ARHGEF3: variants seen among roughly 807,000 people sequenced by gnomAD.
ARHGEF3 encodes 59.8 kDA protein.
In ARHGEF3, 28 loss-of-function variants were observed where a neutral mutation model predicts 63.2. The observed-to-expected ratio is 0.44, with a 90% CI of 0.33 to 0.61. ARHGEF3 has a LOEUF of 0.61. Ranked by LOEUF, ARHGEF3 falls within the 20% of genes least tolerant of loss-of-function variation. ARHGEF3 has a pLI of 0.03. For missense variants in ARHGEF3, 533 were observed against 659.3 expected (o/e 0.81, Z 2.10); for synonymous variants, 266 against 254.2 (o/e 1.05, Z -0.44).
chr3:57,030,404 C>T (rs1703684681), intron 2 of ARHGEF3, among the ~76,000 whole-genome samples: 1 of 152,214 alleles, frequency 6.6e-6, no homozygotes, highest in South Asian at 2.1e-4. Context: ...GCCTGGAAGA[C>T]TCTGCAGGGA....
chr3:57,033,125 G>A (rs1266309144), intron 2 of ARHGEF3, among the ~76,000 whole-genome samples: 1 of 152,186 alleles, frequency 6.6e-6, no homozygotes, highest in African/African-American at 2.4e-5. Context: ...ATGGCAAGAT[G>A]GTGAGCAAAT....
chr3:56,927,327 C>T (rs191623296), intron 3 of ARHGEF3, among the ~76,000 whole-genome samples: 215 of 152,250 alleles, frequency 1.4e-3, no homozygotes, highest in African/African-American at 4.5e-3. Flanking sequence ...AGCAACATGA[C>T]GGATAATAAG....
chr3:56,793,730 A>G (rs951976279), intron 1 of ARHGEF3, among the ~76,000 whole-genome samples: 1 of 152,214 alleles, frequency 6.6e-6, no homozygotes, highest in Admixed American at 6.5e-5. Flanking sequence ...TTCCTTGTGT[A>G]TGAACTACCT....
intron 1 of ARHGEF3, among the ~76,000 whole-genome samples, chr3:57,055,790 A>G (rs1704903092): frequency 6.6e-6 from 1 of 152,196 alleles, no homozygotes; most frequent in Non-Finnish European, 1.5e-5. Context: ...CTGAAGCCCA[A>G]CAGAATTCCA....
intron 2 of ARHGEF3, among the ~76,000 whole-genome samples, chr3:57,014,441 A>G (rs1488606203): frequency 6.6e-6 from 1 of 152,182 alleles, no homozygotes; most frequent in Non-Finnish European, 1.5e-5. Context: ...TCCAGAAGAA[A>G]GCAGGAAATC....
chr3:57,068,998 C>T (rs1198114953), intron 1 of ARHGEF3, among the ~76,000 whole-genome samples: 1 of 151,542 alleles, frequency 6.6e-6, no homozygotes, highest in Non-Finnish European at 1.5e-5. Flanking sequence ...CTTGGCTCAC[C>T]GTAACCTCTG....
intron 4 of ARHGEF3, among the ~76,000 whole-genome samples, chr3:56,828,974 TG>T (rs2038834284): frequency 6.6e-6 from 1 of 152,216 alleles, no homozygotes; most frequent in Non-Finnish European, 1.5e-5. Context: ...TTGCTTAGGC[TG>T]GAGGGCAGTG....
At chr3:57,006,069 G>C (rs1702455712) in intron 2 of ARHGEF3, among the ~76,000 whole-genome samples, 1 of 152,282 alleles carries the variant, frequency 6.6e-6, no homozygotes, top group Admixed American at 6.5e-5. Context: ...TGTAAATAAA[G>C]CTATCCCTAG....
Position 56,896,100 on chromosome 3 carries a change from G to T in ARHGEF3, c.130-13746C>A, listed in dbSNP as rs527888157. Among the ~76,000 whole-genome samples, 4 of 152,228 alleles carry T rather than the reference G, an allele frequency of 2.6e-5. No homozygotes were observed. The South Asian group carries it at 6.2e-4, about 24-fold the overall frequency. On this transcript the variant is annotated intron_variant, in intron 3 of 12. Transcript: ENST00000338458. ...CCCTGAAGAGGAACAAAGGAACACA[G>T]GCCTTTTTCTTGGGGAGGGCAGAGT...
chr3:56,893,184 T>A (rs2041181478), intron 3 of ARHGEF3, among the ~76,000 whole-genome samples: 1 of 152,126 alleles, frequency 6.6e-6, no homozygotes. Context: ...TTTATTTTAT[T>A]TTATTTTTTT....
chr3:56,813,673 T>C (rs1283988269), intron 4 of ARHGEF3, among the ~76,000 whole-genome samples: 1 of 152,156 alleles, frequency 6.6e-6, no homozygotes, highest in Non-Finnish European at 1.5e-5. Context: ...GGATCAGCAT[T>C]TTGCTTCAGT....
At chr3:56,824,968 CA>C (rs1472718903) in intron 4 of ARHGEF3, among the ~76,000 whole-genome samples, 1 of 152,144 alleles carries the variant, frequency 6.6e-6, no homozygotes, top group African/African-American at 2.4e-5. Flanking sequence ...GTGACAAGGT[CA>C]GGGTGACACA....
chr3:56,732,130 C>A, intron 9 of ARHGEF3, 108 bp downstream of exon 9: 1 of 1,276,098 alleles, frequency 7.8e-7, no homozygotes, highest in East Asian at 2.5e-5. Flanking sequence ...CATACAAATG[C>A]AGTTTGACTT....
intron 2 of ARHGEF3, among the ~76,000 whole-genome samples, chr3:57,027,951 T>C (rs1356677195): frequency 1.3e-5 from 2 of 152,178 alleles, no homozygotes; most frequent in Non-Finnish European, 2.9e-5. Flanking sequence ...TCCCTCATCA[T>C]CACTGGCCAT....
chr3:56,739,106 A>C (rs1232722454), intron 7 of ARHGEF3, among the ~76,000 whole-genome samples: 1 of 152,022 alleles, frequency 6.6e-6, no homozygotes, highest in African/African-American at 2.4e-5. Flanking sequence ...AAAAATTAAA[A>C]AACTCCATGA....
chr3:56,892,759 G>C (rs913004605), intron 3 of ARHGEF3, among the ~76,000 whole-genome samples: 1 of 152,136 alleles, frequency 6.6e-6, no homozygotes, highest in Admixed American at 6.5e-5. Context: ...TCAGTTTTTC[G>C]TTCACTTGGC....
At chr3:56,851,306 A>T (rs1361870488) in intron 4 of ARHGEF3, among the ~76,000 whole-genome samples, 1 of 151,880 alleles carries the variant, frequency 6.6e-6, no homozygotes, top group South Asian at 2.1e-4. Context: ...CTCCTTCAAT[A>T]CCCGAATCAT....
chr3:56,960,212 G>A (rs1404678598), intron 2 of ARHGEF3, among the ~76,000 whole-genome samples: 1 of 152,104 alleles, frequency 6.6e-6, no homozygotes, highest in East Asian at 1.9e-4. Flanking sequence ...AAAAGCATAT[G>A]CTAATATTTT....
At chr3:56,892,648 C>A (rs973430946) in intron 3 of ARHGEF3, among the ~76,000 whole-genome samples, 3 of 152,186 alleles carry the variant, frequency 2.0e-5, no homozygotes, top group South Asian at 4.1e-4. Flanking sequence ...GAAAACTACT[C>A]CATGTAAACA....
Sources: gnomAD v4.1 joint callset for allele counts (sites outside exome capture counted in the v4.1 genomes callset) on GRCh38, gnomAD v4.1.1 for gene constraint, MANE v1.5 for transcripts, NCBI Gene and HGNC (gene_info 2026-07-23, HGNC 2026-07-21) for gene names.